Variants in BACH2 observed in about 807,000 individuals in gnomAD.
The protein encoded by BACH2 is BACH transcriptional regulator 2, also known as transcription regulator protein BACH2.
BACH2 carries 5 observed loss-of-function variants against 61.8 expected under a neutral mutation model. The observed-to-expected ratio is 0.08, with a 90% confidence interval of 0.04 to 0.17. The LOEUF is 0.17. Ranked by LOEUF, BACH2 falls within the 10% of genes least tolerant of loss-of-function variation. BACH2 has a pLI of 1.00. For missense variants in BACH2, 824 were observed against 1,091.1 expected (o/e 0.76, Z 3.45); for synonymous variants, 446 against 440.1 (o/e 1.01, Z -0.17).
intron 4 of BACH2, among the ~76,000 whole-genome samples, chr6:90,093,390 C>T (rs2127808951): frequency 6.6e-6 from 1 of 152,256 alleles, no homozygotes; most frequent in Non-Finnish European, 1.5e-5. Context: ...AAGACACTAA[C>T]TTAGGCCTCT....
chr6:90,240,843 TAAG>T (rs1215908131), intron 3 of BACH2, among the ~76,000 whole-genome samples: 3 of 152,180 alleles, frequency 2.0e-5, no homozygotes, highest in Non-Finnish European at 4.4e-5. Flanking sequence ...CAAACATTAT[TAAG>T]AAGCTAAATC....
intron 4 of BACH2, among the ~76,000 whole-genome samples, chr6:90,091,613 A>G (rs561951597): frequency 6.6e-6 from 1 of 152,330 alleles, no homozygotes; most frequent in South Asian, 2.1e-4. Flanking sequence ...ATATGCTAAT[A>G]AAAGCAAACT....
At chr6:90,148,430 G>GA (rs1245838143) in intron 4 of BACH2, among the ~76,000 whole-genome samples, 1 of 152,154 alleles carries the variant, frequency 6.6e-6, no homozygotes, top group Non-Finnish European at 1.5e-5. Flanking sequence ...AAGGATATCT[G>GA]AAAAGATAGA....
chr6:89,997,320 G>C (rs570573620), intron 6 of BACH2, among the ~76,000 whole-genome samples: 1 of 152,306 alleles, frequency 6.6e-6, no homozygotes, highest in South Asian at 2.1e-4. Context: ...AAAATCTCCA[G>C]TTACGAAAAC....
intron 1 of BACH2, among the ~76,000 whole-genome samples, chr6:90,293,160 C>G (rs1445570682): frequency 6.6e-6 from 1 of 152,214 alleles, no homozygotes. Context: ...TGTAACTGCA[C>G]AGGTCTTATG....
chr6:90,074,682 A>G (rs1261015196), intron 5 of BACH2, among the ~76,000 whole-genome samples: 1 of 152,108 alleles, frequency 6.6e-6, no homozygotes, highest in African/African-American at 2.4e-5. Flanking sequence ...ATATTAGGGG[A>G]AAAATATCAG....
At chr6:90,073,703 G>C (rs182777857) in intron 5 of BACH2, among the ~76,000 whole-genome samples, 1 of 152,122 alleles carries the variant, frequency 6.6e-6, no homozygotes, top group African/African-American at 2.4e-5. Flanking sequence ...GCCTTGCTGA[G>C]GTCTGAAAAT....
At chr6:89,994,107 A>C (rs1176685791) in intron 6 of BACH2, among the ~76,000 whole-genome samples, 1 of 152,196 alleles carries the variant, frequency 6.6e-6, no homozygotes, top group Non-Finnish European at 1.5e-5. Context: ...ATTTGTTTGA[A>C]AATAACCACG....
chr6:90,180,356 G>T (rs1264025398), intron 4 of BACH2, among the ~76,000 whole-genome samples: 1 of 152,080 alleles, frequency 6.6e-6, no homozygotes, highest in African/African-American at 2.4e-5. Context: ...CTAAAATTAT[G>T]AACTTAAAAT....
rs1772693839 is a variant in BACH2 at position 89,932,229 on chromosome 6, T to C, written c.*179A>G. On this transcript the variant is annotated 3_prime_UTR_variant, in exon 9 of 9. Transcript: ENST00000257749. ...GGGGTAGCACCATTGTGAAGGTAAC[T>C]ATCACTCCTGCTCGAGAAGAGGAGA... is the stretch of plus-strand genomic sequence containing the variant. 1.2e-6 allele frequency: 1 copy of C among 827,692 alleles called. No individual in the cohort carries two copies. Among genetic ancestry groups the C allele is most frequent in the Non-Finnish European group, 1.9e-6 (1 of 527,030 alleles). 51.3% of individuals were successfully genotyped at this position (827,692 alleles called of 1,614,324 possible).
At chr6:90,061,495 T>C (rs1360457382) in intron 5 of BACH2, among the ~76,000 whole-genome samples, 1 of 152,156 alleles carries the variant, frequency 6.6e-6, no homozygotes, top group East Asian at 1.9e-4. Context: ...CAAGTGGACA[T>C]GTCAAGTACC....
intron 6 of BACH2, among the ~76,000 whole-genome samples, chr6:89,979,178 C>T (rs1775817413): frequency 6.6e-6 from 1 of 152,126 alleles, no homozygotes; most frequent in South Asian, 2.1e-4. Flanking sequence ...CCAATGATAC[C>T]ATGTTTGCTG....
rs1767916277 is a variant in BACH2, at chr6:90,174,239, G to T, written c.-162+32330C>A. On this transcript the variant is annotated intron_variant, in intron 4 of 8. Transcript: ENST00000257749. ...AGAAAAATAATGTGTCTAAATTTGG[G>T]TTATTCCATAATTCAAGGTTGCTTC... Among the ~76,000 whole-genome samples, 3 of 151,832 alleles carry T rather than the reference G, an allele frequency of 2.0e-5. No individual in the cohort carries two copies. The South Asian group carries it at 6.2e-4, about 32-fold the overall frequency.
At chr6:90,268,480 A>C (rs1771417369) in intron 2 of BACH2, among the ~76,000 whole-genome samples, 1 of 152,242 alleles carries the variant, frequency 6.6e-6, no homozygotes, top group South Asian at 2.1e-4. Flanking sequence ...TCCCAGAATA[A>C]GCACAGAAAC....
intron 4 of BACH2, among the ~76,000 whole-genome samples, chr6:90,168,358 C>T (rs1767700436): frequency 6.6e-6 from 1 of 152,130 alleles, no homozygotes; most frequent in Non-Finnish European, 1.5e-5. Flanking sequence ...TGAAGTTTAA[C>T]TAAACCTCTA....
intron 1 of BACH2, among the ~76,000 whole-genome samples, chr6:90,278,142 G>T (rs1028820200): frequency 6.6e-6 from 1 of 152,148 alleles, no homozygotes. Context: ...TATAGGAGAC[G>T]ATGTCAAATA....
chr6:90,052,981 G>T (rs1780129249), intron 5 of BACH2, among the ~76,000 whole-genome samples: 1 of 151,910 alleles, frequency 6.6e-6, no homozygotes, highest in Non-Finnish European at 1.5e-5. Flanking sequence ...TATGCTTTAT[G>T]TATTTTTTCT....
intron 4 of BACH2, among the ~76,000 whole-genome samples, chr6:90,157,698 G>A (rs1443462702): frequency 6.6e-6 from 1 of 152,282 alleles, no homozygotes; most frequent in East Asian, 1.9e-4. Context: ...AGCTGCCCGA[G>A]CAGATGGCCG....
intron 3 of BACH2, among the ~76,000 whole-genome samples, chr6:90,212,927 T>C (rs1769406578): frequency 6.6e-6 from 1 of 152,190 alleles, no homozygotes; most frequent in African/African-American, 2.4e-5. Context: ...TAGGGGGTTC[T>C]TGCACTTGGT....
Sources: gnomAD v4.1 joint callset for allele counts (sites outside exome capture counted in the v4.1 genomes callset) on GRCh38, gnomAD v4.1.1 for gene constraint, MANE v1.5 for transcripts, NCBI Gene and HGNC (gene_info 2026-07-23, HGNC 2026-07-21) for gene names.